Variants in RABGAP1L observed in about 807,000 individuals in gnomAD.
RABGAP1L encodes rab GTPase-activating protein 1-like.
In RABGAP1L, 63 loss-of-function variants were observed where a neutral mutation model predicts 137.7. The ratio of observed to expected loss-of-function variants is 0.46; its 90% confidence interval spans 0.37 to 0.56. RABGAP1L has a LOEUF of 0.56. RABGAP1L is among the 20% of genes least tolerant of loss of function. The pLI, the probability that RABGAP1L is intolerant of heterozygous loss-of-function variation, is 0.00. For synonymous variants in RABGAP1L, 431 were observed against 433.7 expected (o/e 0.99, Z 0.08); for missense variants, 1,095 against 1,244.0 (o/e 0.88, Z 1.80).
intron 13 of RABGAP1L, among the ~76,000 whole-genome samples, chr1:174,555,827 C>T (rs1021979641): frequency 1.3e-5 from 2 of 151,904 alleles, no homozygotes; most frequent in African/African-American, 2.4e-5. Flanking sequence ...GAATATGTCT[C>T]CTATTCTTTT....
At chr1:174,394,199 C>G in intron 13 of RABGAP1L, 54 bp downstream of exon 13, 15 of 1,573,892 alleles carry the variant, frequency 9.5e-6, no homozygotes, top group Non-Finnish European at 1.3e-5. Flanking sequence ...TTAAATAAAT[C>G]CTAGTTTTCA....
intron 20 of RABGAP1L, among the ~76,000 whole-genome samples, chr1:174,968,617 AT>A (rs1669860891): frequency 1.3e-5 from 2 of 150,986 alleles, no homozygotes; most frequent in Admixed American, 1.3e-4. Flanking sequence ...TCAGTAATTT[AT>A]TTTACCCAGA....
At chr1:174,929,300 T>C (rs1663334772) in intron 19 of RABGAP1L, among the ~76,000 whole-genome samples, 2 of 152,158 alleles carry the variant, frequency 1.3e-5, no homozygotes, top group Admixed American at 1.3e-4. Flanking sequence ...TAACTGAGAA[T>C]AGGATGCTGG....
At chr1:174,447,908 C>T (rs867291811) in intron 13 of RABGAP1L, among the ~76,000 whole-genome samples, 1,856 of 132,554 alleles carry the variant, frequency 0.014, 19 homozygotes, top group Admixed American at 0.02. Context: ...CCCACCCCCC[C>T]GCCCGAAAGC....
At chr1:174,757,661 C>T (rs1017962336) in intron 18 of RABGAP1L, among the ~76,000 whole-genome samples, 1 of 151,670 alleles carries the variant, frequency 6.6e-6, no homozygotes, top group Non-Finnish European at 1.5e-5. Context: ...GCTTTGAAGA[C>T]TCCAGTATTT....
intron 24 of RABGAP1L, among the ~76,000 whole-genome samples, chr1:174,986,370 A>T (rs1234117163): frequency 6.6e-6 from 1 of 152,202 alleles, no homozygotes; most frequent in Non-Finnish European, 1.5e-5. Context: ...CTTTCTAAGC[A>T]GCCTTTTTAG....
intron 19 of RABGAP1L, among the ~76,000 whole-genome samples, chr1:174,896,033 G>A (rs976429979): frequency 3.3e-5 from 5 of 152,188 alleles, no homozygotes; most frequent in Non-Finnish European, 7.3e-5. Context: ...CTTCCACAGT[G>A]GGTGAACTAG....
At chr1:174,574,428 A>G (rs898893095) in intron 13 of RABGAP1L, among the ~76,000 whole-genome samples, 1 of 152,104 alleles carries the variant, frequency 6.6e-6, no homozygotes, top group African/African-American at 2.4e-5. Context: ...GTTCTCAATG[A>G]AAGTCAACAT....
intron 12 of RABGAP1L, among the ~76,000 whole-genome samples, chr1:174,376,224 A>AGGAC (rs1685533350): frequency 6.6e-6 from 1 of 151,314 alleles, no homozygotes; most frequent in African/African-American, 2.4e-5. Flanking sequence ...GAAGGAAGGA[A>AGGAC]GGAAAGGAAA....
intron 1 of RABGAP1L, among the ~76,000 whole-genome samples, chr1:174,161,876 A>G (rs772586728): frequency 6.6e-6 from 1 of 152,144 alleles, no homozygotes; most frequent in Non-Finnish European, 1.5e-5. Flanking sequence ...CCACAGGCAC[A>G]TGCCACCAAA....
chr1:174,919,503 G>A (rs1661459689), intron 19 of RABGAP1L, among the ~76,000 whole-genome samples: 1 of 152,040 alleles, frequency 6.6e-6, no homozygotes, highest in Non-Finnish European at 1.5e-5. Flanking sequence ...GTTCTCCAAG[G>A]GAAAGTTTTT....
chr1:174,362,575 CTT>C (rs1026738025), intron 11 of RABGAP1L, among the ~76,000 whole-genome samples: 1 of 152,066 alleles, frequency 6.6e-6, no homozygotes, highest in African/African-American at 2.4e-5. Context: ...CCATGTATGT[CTT>C]TTTTTGAGAG....
At chr1:174,524,577 C>G (rs530940737) in intron 13 of RABGAP1L, among the ~76,000 whole-genome samples, 1 of 152,032 alleles carries the variant, frequency 6.6e-6, no homozygotes, top group African/African-American at 2.4e-5. Flanking sequence ...CAGATATTTT[C>G]TCCTGTTCAA....
intron 13 of RABGAP1L, among the ~76,000 whole-genome samples, chr1:174,485,078 G>A (rs1344300854): frequency 6.6e-6 from 1 of 152,000 alleles, no homozygotes; most frequent in Non-Finnish European, 1.5e-5. Context: ...TTACTTCTTT[G>A]ATTAATTCCT....
At position 174,857,623 on chromosome 1, in the gene RABGAP1L, G is replaced by A. The variant is rs543902415; in HGVS notation, c.2340+45663G>A. ...AACCCTTTATAACCCTCCTATCTCT[G>A]AAATTCACAGATACTGCTATATAGA... On this transcript the variant is annotated intron_variant, in intron 19 of 25. Transcript: ENST00000681986. Among the ~76,000 whole-genome samples the A allele has an allele frequency of 2.1e-4, 32 of 152,054 alleles. 1 individual carries two copies. The East Asian group carries it at 6.2e-3, about 29-fold the overall frequency.
At position 174,995,068 on chromosome 1, in the gene RABGAP1L, T is replaced by C. The variant is rs1672286582; in HGVS notation, c.*5067T>C. The C allele has an allele frequency of 6.6e-6, 1 of 152,280 alleles. No individual in the cohort carries two copies. Among genetic ancestry groups the C allele is most frequent in the African/African-American group, 2.4e-5 (1 of 41,482 alleles). 9.4% of individuals were successfully genotyped at this position (152,280 alleles called of 1,614,324 possible). ...GTACACTCTATAAATGTAAATGTAA[T>C]GCTTGTCTAAAAAGTGCAATTTATT... On this transcript the variant is annotated 3_prime_UTR_variant, in exon 26 of 26. Coordinates refer to ENST00000681986, the MANE Select transcript of RABGAP1L (RefSeq NM_001366446.1).
chr1:174,958,617 T>G (rs1199347731), intron 20 of RABGAP1L, among the ~76,000 whole-genome samples: 1 of 152,192 alleles, frequency 6.6e-6, no homozygotes, highest in Non-Finnish European at 1.5e-5. Flanking sequence ...TATCTTTATG[T>G]GGTCAGAGCT....
chr1:174,370,979 A>C lies in RABGAP1L; in HGVS notation c.1466A>C (p.Glu489Ala), dbSNP rs773324762. 6.8e-7 allele frequency: 1 copy of C among 1,464,084 alleles called. No individual in the cohort carries two copies. Among genetic ancestry groups the C allele is most frequent in the East Asian group, 2.3e-5 (1 of 43,274 alleles). The allele number at this position is 1,464,084 out of a possible 1,614,324, so 90.7% of individuals were successfully genotyped here. ...GTTGGTTTTTGCGTTTCTTCTGCAG[A>C]GAGTGATAATGAACTCTCAAGTGGA... ...MSPQDDEAEE[E>A]SDNELSSGTG... The change falls in exon 12 of 26, where the codon GAG becomes GCG. Residue 489 changes from glutamate (E) to alanine (A), a missense_variant and splice_region_variant. By Grantham distance (107) the Glu-to-Ala change is moderately radical (BLOSUM62 -1). This residue lies in a region of RABGAP1L where 315 missense variants were observed against 324.8 expected (regional missense o/e 0.97). Transcript: ENST00000681986.
At chr1:174,474,371 G>T (rs1658265245) in intron 13 of RABGAP1L, among the ~76,000 whole-genome samples, 1 of 152,138 alleles carries the variant, frequency 6.6e-6, no homozygotes, top group African/African-American at 2.4e-5. Context: ...TAACCAAAGA[G>T]AATTCCATAG....
Sources: allele counts gnomAD v4.1 joint callset (sites outside exome capture counted in the v4.1 genomes callset), GRCh38; gene constraint gnomAD v4.1.1; regional missense constraint gnomAD v4.1.1; transcripts MANE v1.5; gene names NCBI Gene and HGNC (gene_info 2026-07-23, HGNC 2026-07-21).